TBX5: variants seen among roughly 807,000 people sequenced by gnomAD.
The protein encoded by TBX5 is T-box transcription factor 5, also known as T-box transcription factor TBX5.
A neutral mutation model predicts 51.1 loss-of-function variants in TBX5; 8 were observed. The observed-to-expected ratio is 0.16, with a 90% CI of 0.09 to 0.28. TBX5 has a LOEUF of 0.28. TBX5 is among the 10% of genes least tolerant of loss of function. The probability of loss-of-function intolerance (pLI) is 1.00; values close to 1 mark genes in which losing one functional copy is unlikely to be tolerated. For missense variants in TBX5, 589 were observed against 671.7 expected (o/e 0.88, Z 1.36); for synonymous variants, 302 against 266.4 (o/e 1.13, Z -1.30).
chr12:114,399,659 G>A (rs371344278), intron 3 of TBX5, 27 bp from the exon 4 acceptor site: 30 of 1,613,844 alleles, frequency 1.9e-5, no homozygotes, highest in Middle Eastern at 3.3e-4. Context: ...GAGGGAGAGA[G>A]GGGGGCGGGA....
In TBX5 at chr12:114,385,558, A is replaced by G. The variant is rs765547666; in HGVS notation, c.673T>C (p.Leu225=). The G allele has an allele frequency of 6.2e-7, 1 of 1,614,120 alleles. No homozygotes were observed. Among genetic ancestry groups the G allele is most frequent in the Non-Finnish European group, 8.5e-7 (1 of 1,179,944 alleles). Residue 225 remains leucine (L), a synonymous_variant, in exon 7 of 9, where the codon TTA becomes CTA. Coordinates refer to ENST00000405440, the MANE Select transcript of TBX5 (RefSeq NM_181486.4). ...TSYQNHKITQ[L]KIENNPFAKG... is the part of the protein sequence containing the mutation. ...GCAAAGGGATTATTCTCAATCTTTAATTGCGTGATCTGAAGGAAAGAGGAA... is the reference window on the plus strand; with the variant it reads ...GCAAAGGGATTATTCTCAATCTTTAGTTGCGTGATCTGAAGGAAAGAGGAA...
At chr12:114,397,567 G>A (rs1430116439) in intron 5 of TBX5, among the ~76,000 whole-genome samples, 1 of 152,088 alleles carries the variant, frequency 6.6e-6, no homozygotes, top group African/African-American at 2.4e-5. Flanking sequence ...GTTTTTCTTT[G>A]GGGAAGAGGG....
intron 6 of TBX5, among the ~76,000 whole-genome samples, chr12:114,389,490 C>T (rs564647092): frequency 4.6e-5 from 7 of 151,676 alleles, no homozygotes; most frequent in African/African-American, 1.7e-4. Context: ...CGCGGTGGCT[C>T]ACGCCTGTAA....
chr12:114,374,495 AAG>A (rs1445136551), intron 7 of TBX5, among the ~76,000 whole-genome samples: 2 of 152,218 alleles, frequency 1.3e-5, no homozygotes, highest in Non-Finnish European at 1.5e-5. Flanking sequence ...GTCTTCCACA[AAG>A]AGTATACACT....
At chr12:114,371,595 T>G (rs1869912583) in intron 7 of TBX5, among the ~76,000 whole-genome samples, 1 of 150,772 alleles carries the variant, frequency 6.6e-6, no homozygotes, top group Non-Finnish European at 1.5e-5. Context: ...GTGTTTTTTT[T>G]TTTTTTTTTT....
At chr12:114,370,882 C>T (rs1023726998) in intron 7 of TBX5, among the ~76,000 whole-genome samples, 3 of 151,960 alleles carry the variant, frequency 2.0e-5, no homozygotes, top group Admixed American at 6.6e-5. Flanking sequence ...GAACCCATCA[C>T]CCGAGCAGTG....
In TBX5 at chr12:114,355,485, C is replaced by G; in HGVS notation, c.*47G>C. 1 of 1,603,884 alleles carries G rather than the reference C, an allele frequency of 6.2e-7. No homozygotes were observed. The stretch of plus-strand genomic sequence containing the variant: ...CTCTCCTTCTCTCTCTTTCTCCTCT[C>G]TCTCTCTCTTTCTCTAGGAAATGTC... On this transcript the variant is annotated 3_prime_UTR_variant, in exon 9 of 9. Coordinates refer to ENST00000405440, the MANE Select transcript of TBX5 (RefSeq NM_181486.4).
At chr12:114,362,158 C>T (rs1468124282) in intron 8 of TBX5, among the ~76,000 whole-genome samples, 1 of 152,134 alleles carries the variant, frequency 6.6e-6, no homozygotes, top group African/African-American at 2.4e-5. Flanking sequence ...GAGCCACCAT[C>T]TCCTGTTTCA....
chr12:114,376,029 A>C (rs1346860005), intron 7 of TBX5, among the ~76,000 whole-genome samples: 2 of 152,154 alleles, frequency 1.3e-5, no homozygotes, highest in Admixed American at 1.3e-4. Flanking sequence ...TGGGCAACAG[A>C]GTAAGACCTT....
intron 7 of TBX5, among the ~76,000 whole-genome samples, chr12:114,378,060 C>T (rs775330699): frequency 2.6e-5 from 4 of 152,068 alleles, no homozygotes; most frequent in Non-Finnish European, 4.4e-5. Context: ...TCAGGGACCA[C>T]GCCCCTGATG....
intron 8 of TBX5, among the ~76,000 whole-genome samples, chr12:114,365,721 T>TAGGG (rs1470040144): frequency 6.7e-6 from 1 of 149,316 alleles, no homozygotes; most frequent in Non-Finnish European, 1.5e-5. Flanking sequence ...TCCCAGCTAC[T>TAGGG]AGGGAGGCTG....
At chr12:114,408,013 G>A, upstream of TBX5, 4 of 985,424 alleles carry the variant, frequency 4.1e-6, no homozygotes, top group Non-Finnish European at 4.8e-6. Context: ...AAATATTACT[G>A]TTTATTACCA....
chr12:114,398,752 G>A, intron 4 of TBX5, 32 bp from the exon 5 acceptor site: 1 of 1,584,134 alleles, frequency 6.3e-7, no homozygotes, highest in Non-Finnish European at 8.6e-7. Context: ...TAGAGGCCTG[G>A]CTCAGAGTCT....
intron 6 of TBX5, among the ~76,000 whole-genome samples, chr12:114,390,349 C>T (rs896630697): frequency 6.6e-6 from 1 of 152,230 alleles, no homozygotes; most frequent in Admixed American, 6.5e-5. Context: ...ACCTGGATTT[C>T]CCAGTTCCAC....
chr12:114,377,307 TC>T (rs1388893494), intron 7 of TBX5, among the ~76,000 whole-genome samples: 2 of 152,284 alleles, frequency 1.3e-5, no homozygotes, highest in East Asian at 3.9e-4. Flanking sequence ...TAATTTAAAA[TC>T]AGGAAGGAAG....
At chr12:114,395,571 G>A (rs1871371188) in intron 5 of TBX5, among the ~76,000 whole-genome samples, 1 of 151,978 alleles carries the variant, frequency 6.6e-6, no homozygotes, top group African/African-American at 2.4e-5. Context: ...GGTGTGGGGA[G>A]GAAGCACCAC....
At chr12:114,395,191 C>A (rs937604331) in intron 5 of TBX5, among the ~76,000 whole-genome samples, 1 of 152,170 alleles carries the variant, frequency 6.6e-6, no homozygotes, top group Admixed American at 6.5e-5. Flanking sequence ...GCATAGGGCA[C>A]TTCCCACCCC....
intron 6 of TBX5, among the ~76,000 whole-genome samples, chr12:114,394,277 T>C (rs1487252375): frequency 2.6e-5 from 4 of 152,140 alleles, no homozygotes; most frequent in African/African-American, 9.7e-5. Context: ...ATTGTGCCAC[T>C]GCACTCCAGC....
At chr12:114,403,636 C>A in intron 2 of TBX5, 116 bp downstream of exon 2, 1 of 1,443,330 alleles carries the variant, frequency 6.9e-7, no homozygotes, top group African/African-American at 1.4e-5. Context: ...TCGTTGGGTT[C>A]GTTTTGGGGT....
Sources: gnomAD v4.1 joint callset for allele counts (sites outside exome capture counted in the v4.1 genomes callset) on GRCh38, gnomAD v4.1.1 for gene constraint, MANE v1.5 for transcripts, NCBI Gene and HGNC (gene_info 2026-07-23, HGNC 2026-07-21) for gene names.